GABRG3: variants seen among roughly 807,000 people sequenced by gnomAD.
GABRG3 encodes gamma-aminobutyric acid receptor subunit gamma-3.
GABRG3 carries 25 observed loss-of-function variants against 48.8 expected under a neutral mutation model. That is an observed-to-expected ratio of 0.51 (90% CI 0.37 to 0.72). The LOEUF is 0.72. GABRG3 is among the 30% of genes least tolerant of loss of function. The pLI is 0.00. For missense variants in GABRG3, 394 were observed against 577.9 expected, an observed-to-expected ratio of 0.68 and a Z score of 3.26; for synonymous variants, 227 against 217.6, an observed-to-expected ratio of 1.04 and a Z score of -0.38.
intron 3 of GABRG3, among the ~76,000 whole-genome samples, chr15:27,083,445 G>T (rs1036382305): frequency 2.0e-5 from 3 of 150,072 alleles, no homozygotes; most frequent in African/African-American, 7.4e-5. Context: ...CGATTCTCCT[G>T]CCTCAGCCTC....
chr15:27,327,816 G>A (rs142137750), intron 4 of GABRG3, among the ~76,000 whole-genome samples: 216 of 152,198 alleles, frequency 1.4e-3, no homozygotes, highest in African/African-American at 4.9e-3. Flanking sequence ...GCTCCTTCTT[G>A]CACCTGCTTT....
chr15:27,308,354 T>C (rs1487878610), intron 3 of GABRG3, among the ~76,000 whole-genome samples: 6 of 95,616 alleles, frequency 6.3e-5, no homozygotes, highest in Non-Finnish European at 1.4e-4. Flanking sequence ...TAAACATACG[T>C]TTATATATAA....
At position 27,230,845 on chromosome 15, in the gene GABRG3, T is replaced by G. The variant is rs185211247; in HGVS notation, c.271-95964T>G. ...AAATAAATTTTACAAATTACAGCCC[T>G]GAGTTTACCATTCTGTTGTAGTGTG... On this transcript the variant is annotated intron_variant, in intron 3 of 9. Coordinates refer to ENST00000615808, the MANE Select transcript of GABRG3 (RefSeq NM_033223.5). Among the ~76,000 whole-genome samples the G allele has an allele frequency of 8.1e-4, 124 of 152,344 alleles. No homozygotes were observed. The East Asian group carries it at 0.018, about 22-fold the overall frequency.
intron 5 of GABRG3, among the ~76,000 whole-genome samples, chr15:27,393,414 C>T (rs532620554): frequency 6.6e-5 from 10 of 151,610 alleles, no homozygotes; most frequent in African/African-American, 2.2e-4. Flanking sequence ...TTCATTTATA[C>T]TGGAGTGCTG....
rs867077544 is a variant in GABRG3 at position 26,999,307 on chromosome 15, A to C, written c.202+22157A>C. 3.1e-4 allele frequency among the ~76,000 whole-genome samples: 47 copies of C among 152,246 alleles called. 1 individual carries two copies. In the Middle Eastern group the frequency reaches 0.027, roughly 88 times the overall value. On this transcript the variant is annotated intron_variant, in intron 2 of 9. Coordinates refer to ENST00000615808, the MANE Select transcript of GABRG3 (RefSeq NM_033223.5). ...ATAGGTTATATTCAGATACCATGTC[A>C]TTTTATATATGAGACTTAAGAACTC...
chr15:27,437,514 A>AT (rs1213962864), intron 5 of GABRG3, among the ~76,000 whole-genome samples: 2 of 152,136 alleles, frequency 1.3e-5, no homozygotes, highest in South Asian at 2.1e-4. Context: ...CAGTAGAAGC[A>AT]TTTTTTTTCC....
intron 3 of GABRG3, among the ~76,000 whole-genome samples, chr15:27,153,075 A>G (rs1898350459): frequency 6.6e-6 from 1 of 151,990 alleles, no homozygotes; most frequent in African/African-American, 2.4e-5. Context: ...TTAGACCAGG[A>G]TGGTCTCGAT....
rs59391125 is a variant in GABRG3, at chr15:26,974,843, TTTATTATTATTATTATTATTATTA to T, written c.54-2135_54-2112del. On this transcript the variant is annotated intron_variant, in intron 1 of 9. Coordinates refer to ENST00000615808, the MANE Select transcript of GABRG3 (RefSeq NM_033223.5). This position sits in a 1 kb window ranked among gnomAD's most constrained non-coding sequence, Gnocchi z 4.3. ...CAGATGACACGAAATATTTTTTAAA[TTTATTATTATTATTATTATTATTA>T]TTATTATTATTATTATTATTATTTG... is the stretch of plus-strand genomic sequence containing the variant. 2.8e-5 allele frequency among the ~76,000 whole-genome samples: 4 copies of T among 140,850 alleles called. No homozygotes were observed. The highest frequency in any genetic ancestry group is 6.1e-5 in the Non-Finnish European group (4 of 65,498). 92.4% of individuals were successfully genotyped at this position (140,850 alleles called of 152,430 possible).
chr15:27,486,984 T>C (rs73369525), intron 6 of GABRG3, among the ~76,000 whole-genome samples: 16,203 of 152,152 alleles, frequency 0.11, 1,334 homozygotes, highest in African/African-American at 0.23. Flanking sequence ...GTAGAAGAAA[T>C]TCAAGAAGTG....
chr15:27,342,790 C>T (rs1470892143), intron 5 of GABRG3, among the ~76,000 whole-genome samples: 2 of 152,194 alleles, frequency 1.3e-5, no homozygotes, highest in Admixed American at 1.3e-4. Context: ...TGGGTCCTGA[C>T]TCCTTCCGTT....
At chr15:27,070,232 G>T (rs1405792228) in intron 3 of GABRG3, among the ~76,000 whole-genome samples, 2 of 152,206 alleles carry the variant, frequency 1.3e-5, no homozygotes, top group Admixed American at 6.5e-5. Context: ...TATCTTCAGT[G>T]CCGTATACAA....
intron 5 of GABRG3, among the ~76,000 whole-genome samples, chr15:27,454,257 T>A (rs1212080420): frequency 2.0e-5 from 3 of 152,164 alleles, no homozygotes; most frequent in Non-Finnish European, 4.4e-5. Context: ...AAGCGTGTGG[T>A]CCAACATGGA....
intron 3 of GABRG3, among the ~76,000 whole-genome samples, chr15:27,301,485 C>T (rs1219098826): frequency 6.6e-6 from 1 of 151,974 alleles, no homozygotes; most frequent in Non-Finnish European, 1.5e-5. Flanking sequence ...AGGAAAATAA[C>T]TGTCAGGGGA....
chr15:27,292,590 T>C (rs1175904916), intron 3 of GABRG3, among the ~76,000 whole-genome samples: 1 of 152,208 alleles, frequency 6.6e-6, no homozygotes, highest in Non-Finnish European at 1.5e-5. Flanking sequence ...AATAGAATTG[T>C]ACCATAATTT....
intron 3 of GABRG3, among the ~76,000 whole-genome samples, chr15:27,073,368 CA>C (rs1466728021): frequency 6.6e-6 from 1 of 152,216 alleles, no homozygotes; most frequent in Non-Finnish European, 1.5e-5. Context: ...CAGCATGCCT[CA>C]GGGGTGCCAC....
At chr15:27,249,719 T>G (rs1384292543) in intron 3 of GABRG3, among the ~76,000 whole-genome samples, 1 of 152,262 alleles carries the variant, frequency 6.6e-6, no homozygotes, top group East Asian at 1.9e-4. Context: ...TTTAAAAAGA[T>G]ATCACCTTAT....
chr15:27,044,377 G>A (rs1040928572), intron 3 of GABRG3, among the ~76,000 whole-genome samples: 2 of 149,550 alleles, frequency 1.3e-5, no homozygotes, highest in African/African-American at 2.4e-5. Context: ...TAGGCAAATC[G>A]AAGCTATCAA....
At position 27,308,366 on chromosome 15, in the gene GABRG3, CAT is replaced by C. The variant is rs370601029; in HGVS notation, c.271-18439_271-18438del. ...ATATAAACATACGTTTATATATAAA[CAT>C]ATAAACATTTGTTTATATATAAACA... On this transcript the variant is annotated intron_variant, in intron 3 of 9. Transcript: ENST00000615808. Among the ~76,000 whole-genome samples, 255 of 129,636 alleles carry C rather than the reference CAT, an allele frequency of 2.0e-3. 9 individuals carry two copies. The highest frequency in any genetic ancestry group is 6.4e-3 in the African/African-American group (203 of 31,680). 85.0% of individuals were successfully genotyped at this position (129,636 alleles called of 152,430 possible). A position where few individuals can be genotyped will look rare whatever the true frequency, so the allele number is the denominator to read the frequency against.
chr15:27,213,598 G>A (rs1315362246), intron 3 of GABRG3, among the ~76,000 whole-genome samples: 2 of 152,236 alleles, frequency 1.3e-5, no homozygotes, highest in Non-Finnish European at 1.5e-5. Context: ...TGGAACATGA[G>A]TGAGGCCATC....
Sources: gnomAD v4.1 joint callset for allele counts (sites outside exome capture counted in the v4.1 genomes callset) on GRCh38, gnomAD v4.1.1 for gene constraint, Gnocchi (gnomAD v3.1) non-coding constraint, MANE v1.5 for transcripts, NCBI Gene and HGNC (gene_info 2026-07-23, HGNC 2026-07-21) for gene names.